The following THADA variants were observed in gnomAD, a reference collection of about 807,000 sequenced individuals.
The protein encoded by THADA is tRNA (32-2'-O)-methyltransferase regulator THADA.
THADA carries 213 observed loss-of-function variants against 219.8 expected under a neutral mutation model. The observed-to-expected ratio is 0.97, with a 90% CI of 0.87 to 1.09. The LOEUF (loss-of-function observed/expected upper bound fraction) is 1.09, where lower values mean the gene tolerates loss of function less well. Ranked by LOEUF, THADA falls within the 50% of genes least tolerant of loss-of-function variation. The probability of loss-of-function intolerance (pLI) is 0.00; values close to 1 mark genes in which losing one functional copy is unlikely to be tolerated. For synonymous variants in THADA, 1,018 were observed against 828.9 expected (o/e 1.23, Z -3.92); for missense variants, 2,956 against 2,311.3 (o/e 1.28, Z -5.72).
At chr2:43,515,415 C>T (rs1284859251) in intron 22 of THADA, among the ~76,000 whole-genome samples, 2 of 84,016 alleles carry the variant, frequency 2.4e-5, no homozygotes, top group Non-Finnish European at 4.8e-5. Flanking sequence ...ACTATATATA[C>T]ACACACACAT....
chr2:43,372,998 G>C (rs1670981148), intron 29 of THADA, among the ~76,000 whole-genome samples: 1 of 151,992 alleles, frequency 6.6e-6, no homozygotes, highest in Admixed American at 6.6e-5. Context: ...GCCAAGTCTA[G>C]TAAGTATTTA....
intron 22 of THADA, 39 bp from the exon 23 acceptor site, chr2:43,508,819 T>A (rs756828967): frequency 1.2e-6 from 2 of 1,604,866 alleles, no homozygotes; most frequent in Non-Finnish European, 1.7e-6. Context: ...GAATTAGGTA[T>A]CAAAGTTAAA....
At chr2:43,405,816 C>T (rs561896099) in intron 28 of THADA, among the ~76,000 whole-genome samples, 5 of 152,264 alleles carry the variant, frequency 3.3e-5, no homozygotes, top group East Asian at 1.9e-4. Context: ...CGTTACCTAT[C>T]GGGCAGCTCA....
chr2:43,415,568 T>C (rs190419258), intron 28 of THADA, among the ~76,000 whole-genome samples: 2 of 152,138 alleles, frequency 1.3e-5, no homozygotes, highest in South Asian at 4.1e-4. Flanking sequence ...GGATTTAAAT[T>C]CCTCATCCTA....
intron 28 of THADA, among the ~76,000 whole-genome samples, chr2:43,422,526 G>A (rs2104794207): frequency 6.6e-6 from 1 of 152,298 alleles, no homozygotes; most frequent in East Asian, 1.9e-4. Flanking sequence ...AGCAGCAACA[G>A]TGTCATGCTG....
At chr2:43,550,647 T>C (rs1696641590) in intron 19 of THADA, among the ~76,000 whole-genome samples, 1 of 152,144 alleles carries the variant, frequency 6.6e-6, no homozygotes, top group African/African-American at 2.4e-5. Context: ...ACTGATACCT[T>C]AAAACTCTTC....
chr2:43,278,775 A>T (rs1318091580), intron 36 of THADA, among the ~76,000 whole-genome samples: 1 of 152,140 alleles, frequency 6.6e-6, no homozygotes, highest in East Asian at 1.9e-4. Context: ...AGGGAACACA[A>T]TCCTGTGTCC....
chr2:43,505,564 T>C (rs1689561604), intron 24 of THADA, 58 bp downstream of exon 24: 4 of 1,329,378 alleles, frequency 3.0e-6, no homozygotes, highest in Middle Eastern at 1.8e-4. Flanking sequence ...TTGAAAAAAG[T>C]GAAAAACAAA....
chr2:43,335,199 C>T (rs1388641123), intron 30 of THADA, among the ~76,000 whole-genome samples: 2 of 152,140 alleles, frequency 1.3e-5, no homozygotes, highest in Non-Finnish European at 2.9e-5. Context: ...TGCACATTTT[C>T]TTTCTGAGAA....
chr2:43,567,011 G>A (rs2103976805), intron 14 of THADA, among the ~76,000 whole-genome samples, 190 bp from the exon 15 acceptor site: 1 of 151,780 alleles, frequency 6.6e-6, no homozygotes, highest in South Asian at 2.1e-4. Context: ...GCTATATTAT[G>A]ACTTTAATAA....
intron 30 of THADA, among the ~76,000 whole-genome samples, chr2:43,321,177 A>C (rs1039777143): frequency 1.3e-5 from 2 of 152,246 alleles, no homozygotes; most frequent in African/African-American, 4.8e-5. Context: ...AGGATGAAGA[A>C]AGACTTTCTT....
At chr2:43,435,567 G>A (rs1437476952) in intron 26 of THADA, among the ~76,000 whole-genome samples, 1 of 152,030 alleles carries the variant, frequency 6.6e-6, no homozygotes, top group Non-Finnish European at 1.5e-5. Flanking sequence ...CAAATTACTT[G>A]AGTTCAAGAG....
chr2:43,292,232 C>A lies in THADA; in HGVS notation c.4819-10G>T. 6.5e-7 allele frequency: 1 copy of A among 1,537,736 alleles called. No individual in the cohort carries two copies. The highest frequency in any genetic ancestry group is 8.9e-7 in the Non-Finnish European group (1 of 1,129,028). On this transcript the variant is annotated splice_polypyrimidine_tract_variant and intron_variant, in intron 32 of 37. Coordinates refer to ENST00000405975, the MANE Select transcript of THADA (RefSeq NM_022065.5). ...GGAGAATTTTCAGTATCTGTGTAAG[C>A]CAAATCCGCACACAAAAAAGAGAAA... is the stretch of plus-strand genomic sequence containing the variant.
rs1700504266 is a variant in THADA at position 43,581,917 on chromosome 2, C to A, written c.545G>T (p.Gly182Val). ...CAACTGTGTTTGAATAATATGATTT[C>A]CAGCACATTTTCTATAAAGAAGAAA... ...EILEENRKCA[G>V]NHIIQTQLMN... is the part of the protein sequence containing the mutation. Residue 182 changes from glycine to valine, a missense_variant, in exon 8 of 38, where the codon GGA (glycine) becomes GTA (valine). Physicochemically the swap from Gly to Val is moderately radical, Grantham distance 109 (BLOSUM62 -3). Transcript: ENST00000405975. 3 of 1,527,830 alleles carry A rather than the reference C, an allele frequency of 2.0e-6. No homozygotes were observed. Among genetic ancestry groups the A allele is most frequent in the Non-Finnish European group, 2.6e-6 (3 of 1,143,852 alleles). The allele number at this position is 1,527,830 out of a possible 1,614,324, so 94.6% of individuals were successfully genotyped here. A position where few individuals can be genotyped will look rare whatever the true frequency, so the allele number is the denominator to read the frequency against.
At chr2:43,412,052 A>G (rs1357839782) in intron 28 of THADA, among the ~76,000 whole-genome samples, 1 of 152,162 alleles carries the variant, frequency 6.6e-6, no homozygotes, top group Admixed American at 6.5e-5. Context: ...GCTAATTCCC[A>G]CTGCCAATTT....
chr2:43,346,244 A>G (rs1667612697), intron 29 of THADA, among the ~76,000 whole-genome samples: 1 of 152,226 alleles, frequency 6.6e-6, no homozygotes. Context: ...AGTGTTTTTG[A>G]GATATTTTTC....
At chr2:43,529,274 T>C (rs1693573768) in intron 21 of THADA, among the ~76,000 whole-genome samples, 1 of 152,114 alleles carries the variant, frequency 6.6e-6, no homozygotes, top group Non-Finnish European at 1.5e-5. Context: ...GTTACAGTAA[T>C]ACTCCCACCT....
chr2:43,574,170 C>T (rs1559000628), intron 11 of THADA, among the ~76,000 whole-genome samples, 166 bp downstream of exon 11: 1 of 152,134 alleles, frequency 6.6e-6, no homozygotes, highest in African/African-American at 2.4e-5. Flanking sequence ...CTCCATTCAG[C>T]TATATATAGG....
chr2:43,241,089 T>C (rs904462034), intron 36 of THADA, among the ~76,000 whole-genome samples: 2 of 152,014 alleles, frequency 1.3e-5, no homozygotes, highest in Admixed American at 1.3e-4. Context: ...CCCTCTTCCT[T>C]TTTTTTATGT....
Sources: allele counts gnomAD v4.1 joint callset (sites outside exome capture counted in the v4.1 genomes callset), GRCh38; gene constraint gnomAD v4.1.1; transcripts MANE v1.5; gene names NCBI Gene and HGNC (gene_info 2026-07-23, HGNC 2026-07-21).